GRID2: variants seen among roughly 807,000 people sequenced by gnomAD.
The protein encoded by GRID2 is glutamate ionotropic receptor delta type subunit 2.
In GRID2, 33 loss-of-function variants were observed where a neutral mutation model predicts 114.8. The observed-to-expected ratio is 0.29, with a 90% CI of 0.22 to 0.38. The LOEUF is 0.38. Among genes scored for constraint, GRID2 ranks in the 10% least tolerant of loss-of-function variants. GRID2 has a pLI of 1.00. For missense variants in GRID2, 1,184 were observed against 1,257.7 expected (o/e 0.94, Z 0.89); for synonymous variants, 505 against 449.9 (o/e 1.12, Z -1.55).
At chr4:92,934,706 C>T (rs1332508723) in intron 2 of GRID2, among the ~76,000 whole-genome samples, 1 of 146,472 alleles carries the variant, frequency 6.8e-6, no homozygotes, top group African/African-American at 2.4e-5. Flanking sequence ...ATCAACAGAA[C>T]AGAACAGAGC....
At chr4:92,633,102 G>T (rs1279913830) in intron 2 of GRID2, among the ~76,000 whole-genome samples, 2 of 152,090 alleles carry the variant, frequency 1.3e-5, no homozygotes, top group Non-Finnish European at 2.9e-5. Context: ...GAAGTGACAG[G>T]CTTGGACTTT....
intron 2 of GRID2, among the ~76,000 whole-genome samples, chr4:92,707,871 A>G (rs1267432936): frequency 1.3e-5 from 2 of 152,220 alleles, no homozygotes; most frequent in African/African-American, 4.8e-5. Flanking sequence ...GAATAGAGTG[A>G]TGAATTCTGT....
rs368928419 is a variant in GRID2, at chr4:93,422,899, G to A, written c.1476G>A (p.Pro492=). 32 of 1,613,572 alleles carry A rather than the reference G, an allele frequency of 2.0e-5. No individual in the cohort carries two copies. Among genetic ancestry groups the A allele is most frequent in the Middle Eastern group, 3.3e-4 (2 of 6,060 alleles). The part of the protein sequence containing the change: ...LGFNYEIYVA[P]DHKYGSPQED... ...TTAACTACGAAATTTACGTAGCACC[G>A]GATCACAAATACGGAAGCCCACAAG... Residue 492 remains proline, a synonymous_variant, in exon 10 of 16, where the codon CCG becomes CCA. Coordinates refer to ENST00000282020, the MANE Select transcript of GRID2 (RefSeq NM_001510.4).
intron 13 of GRID2, among the ~76,000 whole-genome samples, chr4:93,557,311 C>A (rs1483500058): frequency 6.6e-6 from 1 of 152,138 alleles, no homozygotes; most frequent in Non-Finnish European, 1.5e-5. Flanking sequence ...TGGATAGAGT[C>A]AAGACCCATC....
intron 1 of GRID2, among the ~76,000 whole-genome samples, chr4:92,587,144 G>A (rs1252043441): frequency 6.8e-6 from 1 of 146,798 alleles, no homozygotes; most frequent in Non-Finnish European, 1.5e-5. Context: ...GTGTGTGTCA[G>A]TGGTGGAATA....
chr4:93,270,215 TACACACACACACACACAC>T (rs34945534), intron 8 of GRID2, among the ~76,000 whole-genome samples: 44 of 137,176 alleles, frequency 3.2e-4, no homozygotes, highest in Non-Finnish European at 6.1e-4. Flanking sequence ...CACACACACA[TACACACACACACACACAC>T]ACACACACAC....
In GRID2 at chr4:92,357,377, TA is replaced by T. The variant is rs527692117; in HGVS notation, c.88+52636del. Among the ~76,000 whole-genome samples the T allele has an allele frequency of 2.6e-5, 4 of 152,004 alleles. No homozygotes were observed. In the East Asian group the frequency reaches 7.8e-4, roughly 30 times the overall value. ...TTATGATAATAAAACAGATCTGAGT[TA>T]AACAAACAGAAACACAAAATAATAT... On this transcript the variant is annotated intron_variant, in intron 1 of 15. Transcript: ENST00000282020.
intron 2 of GRID2, among the ~76,000 whole-genome samples, chr4:92,918,906 T>G (rs755003114): frequency 1.3e-4 from 20 of 152,080 alleles, no homozygotes; most frequent in African/African-American, 2.2e-4. Context: ...CTATTGATTG[T>G]AATACTTTCA....
intron 8 of GRID2, among the ~76,000 whole-genome samples, chr4:93,374,735 T>C (rs1002248715): frequency 6.6e-6 from 1 of 152,158 alleles, no homozygotes; most frequent in African/African-American, 2.4e-5. Context: ...AAAATCATAT[T>C]GTAGATATTT....
intron 14 of GRID2, among the ~76,000 whole-genome samples, chr4:93,702,976 T>A (rs1272202794): frequency 6.6e-6 from 1 of 151,892 alleles, no homozygotes; most frequent in Non-Finnish European, 1.5e-5. Flanking sequence ...CAAGGAAAAC[T>A]GTACTAGGAG....
chr4:92,790,153 T>G (rs1308630638), intron 2 of GRID2, among the ~76,000 whole-genome samples: 1 of 151,844 alleles, frequency 6.6e-6, no homozygotes, highest in African/African-American at 2.4e-5. Flanking sequence ...TAGTTATACA[T>G]ATAAGTATAT....
intron 1 of GRID2, among the ~76,000 whole-genome samples, chr4:92,577,927 A>G (rs1357982910): frequency 1.3e-5 from 2 of 152,082 alleles, no homozygotes; most frequent in East Asian, 1.9e-4. Flanking sequence ...GTGAATCACG[A>G]TGGGATTAGC....
chr4:93,574,706 C>T (rs1578294702), intron 13 of GRID2, among the ~76,000 whole-genome samples: 3 of 152,044 alleles, frequency 2.0e-5, no homozygotes, highest in East Asian at 1.9e-4. Context: ...TGTGGGAATT[C>T]GAGATAAGAT....
intron 2 of GRID2, among the ~76,000 whole-genome samples, chr4:92,994,803 T>C (rs757233290): frequency 6.6e-6 from 1 of 152,130 alleles, no homozygotes; most frequent in Non-Finnish European, 1.5e-5. Context: ...GGCATTTTGG[T>C]ATATTCCCTG....
At chr4:93,765,924 C>T (rs2110325929) in intron 14 of GRID2, among the ~76,000 whole-genome samples, 1 of 152,034 alleles carries the variant, frequency 6.6e-6, no homozygotes, top group South Asian at 2.1e-4. Context: ...TGAAGTCATT[C>T]TTCAACTGTT....
At chr4:93,440,144 A>G (rs369595356) in intron 10 of GRID2, among the ~76,000 whole-genome samples, 2 of 152,070 alleles carry the variant, frequency 1.3e-5, no homozygotes, top group African/African-American at 4.8e-5. Flanking sequence ...GGTGCCTGAA[A>G]GCCATCAAAA....
At chr4:93,195,295 A>T (rs575548911) in intron 4 of GRID2, among the ~76,000 whole-genome samples, 3 of 152,276 alleles carry the variant, frequency 2.0e-5, no homozygotes, top group Non-Finnish European at 4.4e-5. Flanking sequence ...GAGAGAGGGT[A>T]AGGAGAAAAG....
chr4:93,547,100 C>T (rs1455254804), intron 13 of GRID2, among the ~76,000 whole-genome samples: 1 of 152,134 alleles, frequency 6.6e-6, no homozygotes, highest in Admixed American at 6.6e-5. Flanking sequence ...AATTCAGCTC[C>T]TAGAGTTGAT....
intron 2 of GRID2, among the ~76,000 whole-genome samples, chr4:92,711,931 C>A (rs1030076153): frequency 2.0e-5 from 3 of 152,088 alleles, no homozygotes; most frequent in Admixed American, 1.3e-4. Flanking sequence ...ATAAAGAGTT[C>A]ATGTGGTTTT....
Sources: gnomAD v4.1 joint callset for allele counts (sites outside exome capture counted in the v4.1 genomes callset) on GRCh38, gnomAD v4.1.1 for gene constraint, MANE v1.5 for transcripts, NCBI Gene and HGNC (gene_info 2026-07-23, HGNC 2026-07-21) for gene names.